FRS2: variants seen among roughly 807,000 people sequenced by gnomAD.
The protein encoded by FRS2 is FGFR signalling adaptor.
A neutral mutation model predicts 43.9 loss-of-function variants in FRS2; 8 were observed. That is an observed-to-expected ratio of 0.18 (90% CI 0.11 to 0.33). The LOEUF (loss-of-function observed/expected upper bound fraction) is 0.33, where lower values mean the gene tolerates loss of function less well. Ranked by LOEUF, FRS2 falls within the 10% of genes least tolerant of loss-of-function variation. FRS2 has a pLI of 1.00. For synonymous variants in FRS2, 219 were observed against 220.3 expected (o/e 0.99, Z 0.05); for missense variants, 534 against 627.6 (o/e 0.85, Z 1.59).
chr12:69,544,489 T>C (rs909325357), intron 3 of FRS2, among the ~76,000 whole-genome samples: 1 of 152,086 alleles, frequency 6.6e-6, no homozygotes, highest in African/African-American at 2.4e-5. Context: ...GGTGAGTCAC[T>C]TGAGATCAGG....
intron 3 of FRS2, among the ~76,000 whole-genome samples, chr12:69,538,134 G>A (rs746288270): frequency 4.8e-5 from 7 of 146,744 alleles, no homozygotes; most frequent in Non-Finnish European, 1.0e-4. Flanking sequence ...GCCACCTTTC[G>A]TAGCTTTTTA....
intron 1 of FRS2, among the ~76,000 whole-genome samples, chr12:69,513,508 A>G (rs894024457): frequency 5.9e-5 from 9 of 152,200 alleles, no homozygotes; most frequent in African/African-American, 1.9e-4. Flanking sequence ...TGGAAAAAGC[A>G]TTACTGAACT....
In FRS2 at chr12:69,576,918, C is replaced by G. The variant is rs997781504; in HGVS notation, c.*1963C>G. On this transcript the variant is annotated 3_prime_UTR_variant, in exon 9 of 9. Transcript: ENST00000549921. ...GTTCCATTTTTAATATATTGTTCCA[C>G]TTATCCTTTCTTCTGAGTAAATTGC... 1 of 152,582 alleles carries G rather than the reference C, an allele frequency of 6.6e-6. No homozygotes were observed. The highest frequency in any genetic ancestry group is 2.4e-5 in the African/African-American group (1 of 41,424). The allele number at this position is 152,582 out of a possible 1,614,324, so 9.5% of individuals were successfully genotyped here.
At position 69,481,331 on chromosome 12, in the gene FRS2, A is replaced by C. The variant is rs534853422; in HGVS notation, c.-261+10801A>C. 8.4e-4 allele frequency among the ~76,000 whole-genome samples: 126 copies of C among 150,128 alleles called. No homozygotes were observed. The Middle Eastern group carries it at 0.01, about 12-fold the overall frequency. ...AGTCTCTTCCTGTTATCCAGGCTGG[A>C]GTGCAGTGGCACAATCACAACTCAT... On this transcript the variant is annotated intron_variant, in intron 1 of 8. Coordinates refer to ENST00000549921, the MANE Select transcript of FRS2 (RefSeq NM_001278356.2).
At chr12:69,537,197 A>C (rs1056354883) in intron 3 of FRS2, among the ~76,000 whole-genome samples, 1 of 152,136 alleles carries the variant, frequency 6.6e-6, no homozygotes, top group African/African-American at 2.4e-5. Context: ...TAGTTTTGGC[A>C]TATTCTTCTT....
At chr12:69,510,181 A>G (rs1279848715) in intron 1 of FRS2, among the ~76,000 whole-genome samples, 1 of 152,134 alleles carries the variant, frequency 6.6e-6, no homozygotes, top group Non-Finnish European at 1.5e-5. Flanking sequence ...AACCTGACCC[A>G]TCTGTGGAGA....
intron 3 of FRS2, among the ~76,000 whole-genome samples, chr12:69,536,019 T>C (rs1228206937): frequency 6.6e-6 from 1 of 151,548 alleles, no homozygotes; most frequent in Admixed American, 6.6e-5. Flanking sequence ...CCTTACAGTT[T>C]TTTTTTAATT....
chr12:69,550,600 C>T (rs1396591249), intron 3 of FRS2, among the ~76,000 whole-genome samples: 1 of 152,210 alleles, frequency 6.6e-6, no homozygotes, highest in Non-Finnish European at 1.5e-5. Context: ...TGTCTCAAAA[C>T]ATACAATACC....
At chr12:69,505,366 A>G (rs576668826) in intron 1 of FRS2, among the ~76,000 whole-genome samples, 20 of 152,326 alleles carry the variant, frequency 1.3e-4, no homozygotes, top group African/African-American at 4.8e-4. Context: ...CTAACCTTGA[A>G]ATACTAATTC....
At chr12:69,552,417 G>A (rs1488592363) in intron 3 of FRS2, among the ~76,000 whole-genome samples, 5 of 151,702 alleles carry the variant, frequency 3.3e-5, no homozygotes, top group African/African-American at 1.2e-4. Flanking sequence ...CATACCTGAG[G>A]ATCACTTTTT....
chr12:69,502,402 AT>A (rs962058936), intron 1 of FRS2, among the ~76,000 whole-genome samples: 180 of 149,088 alleles, frequency 1.2e-3, no homozygotes, highest in African/African-American at 4.0e-3. Context: ...TTAATTTTTA[AT>A]TTTTTTTTTA....
chr12:69,504,969 G>C (rs1873791690), intron 1 of FRS2, among the ~76,000 whole-genome samples: 1 of 152,166 alleles, frequency 6.6e-6, no homozygotes, highest in South Asian at 2.1e-4. Context: ...AGCAGGAACT[G>C]ACTACAGGCA....
intron 3 of FRS2, among the ~76,000 whole-genome samples, chr12:69,543,247 A>G (rs1878077923): frequency 6.6e-6 from 1 of 152,246 alleles, no homozygotes; most frequent in Admixed American, 6.5e-5. Flanking sequence ...AACATATGTT[A>G]ATAAGTAAAA....
chr12:69,574,284 T>G lies in FRS2; in HGVS notation c.856T>G (p.Trp286Gly), dbSNP rs771968641. Reference sequence around the variant, plus strand: ...TGGAAGTGGAGCAAATAACACAGAATGGGACACTGGCTATGACAGTGATGA... The same window carrying G: ...TGGAAGTGGAGCAAATAACACAGAAGGGGACACTGGCTATGACAGTGATGA... ...VSGSGANNTE[W>G]DTGYDSDERR... Residue 286 changes from tryptophan (W) to glycine (G), a missense_variant, in exon 9 of 9, where the codon TGG (tryptophan) becomes GGG (glycine). Trp to Gly is a radical substitution (Grantham distance 184, BLOSUM62 -2). Coordinates refer to ENST00000549921, the MANE Select transcript of FRS2 (RefSeq NM_001278356.2). 1 of 1,614,048 alleles carries G rather than the reference T, an allele frequency of 6.2e-7. No homozygotes were observed. Among genetic ancestry groups the G allele is most frequent in the Admixed American group, 1.7e-5 (1 of 60,006 alleles).
intron 1 of FRS2, among the ~76,000 whole-genome samples, chr12:69,475,031 A>G (rs1212200141): frequency 7.8e-6 from 1 of 128,758 alleles, no homozygotes; most frequent in Non-Finnish European, 1.7e-5. Context: ...TATCCATTAT[A>G]TGATAACACA....
chr12:69,558,659 T>C (rs935275611), intron 3 of FRS2, among the ~76,000 whole-genome samples: 2 of 152,216 alleles, frequency 1.3e-5, no homozygotes, highest in Admixed American at 1.3e-4. Flanking sequence ...GGGAGACTTT[T>C]TTGATGCTAT....
At position 69,575,915 on chromosome 12, in the gene FRS2, T is replaced by G. The variant is rs969243330; in HGVS notation, c.*960T>G. The G allele has an allele frequency of 6.5e-6, 1 of 152,796 alleles. No individual in the cohort carries two copies. The highest frequency in any genetic ancestry group is 2.4e-5 in the African/African-American group (1 of 41,590). 9.5% of individuals were successfully genotyped at this position (152,796 alleles called of 1,614,324 possible). ...ATTGGATTATGTGTTCATTGTTGTT[T>G]AGTTTGCATTTTTGTCAAATTATGG... On this transcript the variant is annotated 3_prime_UTR_variant, in exon 9 of 9. Coordinates refer to ENST00000549921, the MANE Select transcript of FRS2 (RefSeq NM_001278356.2).
intron 4 of FRS2, among the ~76,000 whole-genome samples, chr12:69,563,059 A>G (rs1195458168): frequency 6.6e-6 from 1 of 152,178 alleles, no homozygotes; most frequent in Non-Finnish European, 1.5e-5. Context: ...GCATAATAAA[A>G]TCATTTGTGT....
At chr12:69,493,458 C>T (rs566977169) in intron 1 of FRS2, among the ~76,000 whole-genome samples, 9 of 152,236 alleles carry the variant, frequency 5.9e-5, no homozygotes, top group Non-Finnish European at 1.2e-4. Context: ...CGATGGCTCA[C>T]GCCTGTGATC....
Sources: allele counts gnomAD v4.1 joint callset (sites outside exome capture counted in the v4.1 genomes callset), GRCh38; gene constraint gnomAD v4.1.1; transcripts MANE v1.5; gene names NCBI Gene and HGNC (gene_info 2026-07-23, HGNC 2026-07-21).